PRDM16: variants seen among roughly 807,000 people sequenced by gnomAD.
PRDM16 encodes PR/SET domain 16.
PRDM16 carries 23 observed loss-of-function variants against 110.6 expected under a neutral mutation model. The observed-to-expected ratio is 0.21, with a 90% confidence interval of 0.15 to 0.29. The LOEUF is 0.29. PRDM16 is among the 10% of genes least tolerant of loss of function. The pLI is 1.00. For missense variants in PRDM16, 1,615 were observed against 1,794.3 expected (o/e 0.90, Z 1.81); for synonymous variants, 799 against 781.8 (o/e 1.02, Z -0.37).
intron 1 of PRDM16, among the ~76,000 whole-genome samples, chr1:3,181,008 G>C (rs1015861645): frequency 7.3e-6 from 1 of 137,306 alleles, no homozygotes; most frequent in Admixed American, 7.2e-5. Flanking sequence ...TCTTACACGC[G>C]GTCTTACAAA....
intron 3 of PRDM16, chr1:3,309,895 G>A (rs1050876920): frequency 5.3e-5 from 8 of 152,126 alleles, no homozygotes; most frequent in Admixed American, 2.0e-4. Context: ...AATCAACCAC[G>A]GATTCTCTGA....
intron 3 of PRDM16, among the ~76,000 whole-genome samples, chr1:3,317,594 C>G (rs374465555): frequency 6.6e-6 from 1 of 152,202 alleles, no homozygotes; most frequent in Non-Finnish European, 1.5e-5. Context: ...TCACGTGGGC[C>G]GGATCCCTCC....
chr1:3,434,634 G>T lies in PRDM16; in HGVS notation c.*823G>T. Reference sequence around the variant, plus strand: ...TGGGATGGGAAGTGTGCCTGCCCTCGTGTGACATGGAATTGGTGTCAGGAC... The same window carrying T: ...TGGGATGGGAAGTGTGCCTGCCCTCTTGTGACATGGAATTGGTGTCAGGAC... On this transcript the variant is annotated 3_prime_UTR_variant, in exon 17 of 17. Coordinates refer to ENST00000270722, the MANE Select transcript of PRDM16 (RefSeq NM_022114.4). 1 of 232,360 alleles carries T rather than the reference G, an allele frequency of 4.3e-6. No individual in the cohort carries two copies. Among genetic ancestry groups the T allele is most frequent in the Non-Finnish European group, 8.5e-6 (1 of 117,472 alleles). 14.4% of individuals were successfully genotyped at this position (232,360 alleles called of 1,614,324 possible). A position where few individuals can be genotyped will look rare whatever the true frequency, so the allele number is the denominator to read the frequency against.
In PRDM16 at chr1:3,175,557, C is replaced by T. The variant is rs1358128300; in HGVS notation, c.38-10568C>T. Among the ~76,000 whole-genome samples, 2 of 152,082 alleles carry T rather than the reference C, an allele frequency of 1.3e-5. No individual in the cohort carries two copies. Among genetic ancestry groups the T allele is most frequent in the African/African-American group, 2.4e-5 (1 of 41,404 alleles). On this transcript the variant is annotated intron_variant, in intron 1 of 16. Coordinates refer to ENST00000270722, the MANE Select transcript of PRDM16 (RefSeq NM_022114.4). The surrounding 1 kb of genome is among the most constrained non-coding windows in gnomAD (Gnocchi z 4.8). ...CAGGTCTCTGACCCACTACACAGCA[C>T]TCCTCCCTGCTTGGTTCTGAGAAGG... is the stretch of plus-strand genomic sequence containing the variant.
chr1:3,233,631 C>A (rs1019280476), intron 2 of PRDM16, among the ~76,000 whole-genome samples: 3 of 152,240 alleles, frequency 2.0e-5, no homozygotes, highest in African/African-American at 7.2e-5. Context: ...GCAGTAGCCT[C>A]CTTCAGCAGC....
intron 1 of PRDM16, among the ~76,000 whole-genome samples, chr1:3,167,122 G>GCTA (rs957260325): frequency 2.6e-5 from 4 of 152,072 alleles, no homozygotes; most frequent in Admixed American, 6.5e-5. Context: ...GGTCTACATG[G>GCTA]CTACTACTAC....
chr1:3,171,586 G>A (rs1047920288), intron 1 of PRDM16, among the ~76,000 whole-genome samples: 4 of 152,202 alleles, frequency 2.6e-5, no homozygotes, highest in Admixed American at 2.6e-4. Flanking sequence ...CAGAAACACA[G>A]CTGTGTGTAT....
At chr1:3,140,651 C>T (rs904970973) in intron 1 of PRDM16, among the ~76,000 whole-genome samples, 2 of 152,242 alleles carry the variant, frequency 1.3e-5, no homozygotes, top group Non-Finnish European at 2.9e-5. Context: ...CTGTAAAAAC[C>T]GGGACAGCGT....
intron 3 of PRDM16, among the ~76,000 whole-genome samples, chr1:3,247,744 CG>C (rs895706603): frequency 2.0e-5 from 3 of 152,254 alleles, no homozygotes; most frequent in Admixed American, 6.5e-5. Context: ...GTGCCCTCGC[CG>C]TCCCTGCGCC....
chr1:3,426,202 A>G lies in PRDM16; in HGVS notation c.3261A>G (p.Gln1087=). The change falls in exon 14 of 17, where the codon CAA becomes CAG. Residue 1087 remains glutamine, a synonymous_variant. Transcript: ENST00000270722. ...TTATTGCCAATAGTGAGATGAACCA[A>G]GCATCAACGCGAACAGAGAAACGGT... The part of the protein sequence containing the change: ...RNFIANSEMN[Q]ASTRTEKRAD... 1 of 1,613,798 alleles carries G rather than the reference A, an allele frequency of 6.2e-7. No individual in the cohort carries two copies. Among genetic ancestry groups the G allele is most frequent in the Non-Finnish European group, 8.5e-7 (1 of 1,179,854 alleles).
intron 3 of PRDM16, among the ~76,000 whole-genome samples, chr1:3,328,560 G>A (rs750157261): frequency 6.6e-6 from 1 of 152,164 alleles, no homozygotes; most frequent in Non-Finnish European, 1.5e-5. Context: ...GCTGCCAGCC[G>A]AGGGGTCCTG....
At chr1:3,298,695 C>T (rs899029364) in intron 3 of PRDM16, among the ~76,000 whole-genome samples, 1 of 152,120 alleles carries the variant, frequency 6.6e-6, no homozygotes, top group Non-Finnish European at 1.5e-5. Context: ...GGTCTGAGGA[C>T]ACTGCCTGGC....
In PRDM16 at chr1:3,213,688, C is replaced by T. The variant is rs748356720; in HGVS notation, c.387+27214C>T. Among the ~76,000 whole-genome samples the T allele has an allele frequency of 6.6e-6, 1 of 152,158 alleles. No individual in the cohort carries two copies. The highest frequency in any genetic ancestry group is 2.4e-5 in the African/African-American group (1 of 41,426). Reference sequence around the variant, plus strand: ...TCTTACCCAGCATTTCCCCAGGATTCCAGGAGACTCTGCCTGGCCCAGGAG... The same window carrying T: ...TCTTACCCAGCATTTCCCCAGGATTTCAGGAGACTCTGCCTGGCCCAGGAG... On this transcript the variant is annotated intron_variant, in intron 2 of 16. Coordinates refer to ENST00000270722, the MANE Select transcript of PRDM16 (RefSeq NM_022114.4). This position sits in a 1 kb window ranked among gnomAD's most constrained non-coding sequence, Gnocchi z 5.3.
At chr1:3,217,126 A>G (rs1157424321) in intron 2 of PRDM16, among the ~76,000 whole-genome samples, 1 of 152,252 alleles carries the variant, frequency 6.6e-6, no homozygotes, top group African/African-American at 2.4e-5. Context: ...CAAACAGGAT[A>G]AAAAGCCCCG....
chr1:3,147,421 G>A (rs1229707515), intron 1 of PRDM16, among the ~76,000 whole-genome samples: 1 of 152,098 alleles, frequency 6.6e-6, no homozygotes, highest in Non-Finnish European at 1.5e-5. Flanking sequence ...GGAGACTGGG[G>A]CCTCCGACCA....
In PRDM16 at chr1:3,243,385, A is replaced by C. The variant is rs897436708; in HGVS notation, c.388-702A>C. ...CTCCCACCTCTGATTTGCCAAAAAA[A>C]AAAAGAGGAAGCAGAGAAATGGCAT... On this transcript the variant is annotated intron_variant, in intron 2 of 16. Transcript: ENST00000270722. The surrounding 1 kb of genome is among the most constrained non-coding windows in gnomAD (Gnocchi z 5.5). Among the ~76,000 whole-genome samples the C allele has an allele frequency of 3.3e-5, 5 of 152,058 alleles. No homozygotes were observed. Among genetic ancestry groups the C allele is most frequent in the African/African-American group, 1.2e-4 (5 of 41,512 alleles).
chr1:3,228,349 C>A (rs1639338725), intron 2 of PRDM16, among the ~76,000 whole-genome samples: 1 of 152,220 alleles, frequency 6.6e-6, no homozygotes, highest in Non-Finnish European at 1.5e-5. Flanking sequence ...GGCAGCCCCA[C>A]CCCCAGAAAA....
intron 1 of PRDM16, among the ~76,000 whole-genome samples, chr1:3,125,941 C>T (rs1643195965): frequency 6.6e-6 from 1 of 152,230 alleles, no homozygotes; most frequent in African/African-American, 2.4e-5. Flanking sequence ...GGCCCGAGAG[C>T]AATTAACAGG....
Position 3,358,702 on chromosome 1 carries a change from A to G in PRDM16, c.439-26450A>G, listed in dbSNP as rs899133738. The stretch of plus-strand genomic sequence containing the variant: ...GGCCGGCTGGGGCTCCCGTGAACAA[A>G]TATCGCCACGTGTGCGCGATCAGAG... On this transcript the variant is annotated intron_variant, in intron 3 of 16. Coordinates refer to ENST00000270722, the MANE Select transcript of PRDM16 (RefSeq NM_022114.4). This position sits in a 1 kb window ranked among gnomAD's most constrained non-coding sequence, Gnocchi z 4.0. Among the ~76,000 whole-genome samples the G allele has an allele frequency of 2.6e-5, 4 of 152,148 alleles. No individual in the cohort carries two copies. Among genetic ancestry groups the G allele is most frequent in the African/African-American group, 9.7e-5 (4 of 41,430 alleles).
Sources: gnomAD v4.1 joint callset for allele counts (sites outside exome capture counted in the v4.1 genomes callset) on GRCh38, gnomAD v4.1.1 for gene constraint, Gnocchi (gnomAD v3.1) non-coding constraint, MANE v1.5 for transcripts, NCBI Gene and HGNC (gene_info 2026-07-23, HGNC 2026-07-21) for gene names.